KLF5: variants seen among roughly 807,000 people sequenced by gnomAD.
KLF5 encodes Krueppel-like factor 5.
A neutral mutation model predicts 36.9 loss-of-function variants in KLF5; 9 were observed. The ratio of observed to expected loss-of-function variants is 0.24; its 90% CI spans 0.15 to 0.43. The LOEUF is 0.43. Ranked by LOEUF, KLF5 falls within the 20% of genes least tolerant of loss-of-function variation. KLF5 has a pLI of 1.00. For synonymous variants in KLF5, 246 were observed against 241.7 expected, an observed-to-expected ratio of 1.02 and a Z score of -0.17; for missense variants, 524 against 599.5, an observed-to-expected ratio of 0.87 and a Z score of 1.31.
chr13:73,067,750 A>G (rs2044690619), intron 3 of KLF5, among the ~76,000 whole-genome samples: 2 of 152,222 alleles, frequency 1.3e-5, no homozygotes, highest in East Asian at 3.9e-4. Flanking sequence ...GGCTTACTGG[A>G]GATTGACAAT....
At position 73,059,029 on chromosome 13, in the gene KLF5, C is replaced by G. The variant is rs955475198; in HGVS notation, c.-299C>G. The G allele has an allele frequency of 7.2e-6, 2 of 276,464 alleles. No homozygotes were observed. The highest frequency in any genetic ancestry group is 6.0e-5 in the East Asian group (1 of 16,728). The allele number at this position is 276,464 out of a possible 1,614,324, so 17.1% of individuals were successfully genotyped here. On this transcript the variant is annotated 5_prime_UTR_variant, in exon 1 of 4. Coordinates refer to ENST00000377687, the MANE Select transcript of KLF5 (RefSeq NM_001730.5). ...TAGTCGCGGGGCAGGTACGTGCGCT[C>G]GCGGTTCTCTCGCGGAGGTCGGCGG...
intron 3 of KLF5, among the ~76,000 whole-genome samples, chr13:73,070,013 A>G (rs569123839): frequency 6.6e-6 from 1 of 152,320 alleles, no homozygotes; most frequent in South Asian, 2.1e-4. Flanking sequence ...CATCGTTTCT[A>G]GTGAAAGATT....
At chr13:73,065,301 C>CTTA (rs2044671128) in intron 3 of KLF5, among the ~76,000 whole-genome samples, 1 of 152,122 alleles carries the variant, frequency 6.6e-6, no homozygotes, top group Non-Finnish European at 1.5e-5. Flanking sequence ...GAGGTAGAGC[C>CTTA]CTAAGAGGAA....
chr13:73,062,376 C>A lies in KLF5; in HGVS notation c.777C>A (p.Ala259=). ...MDTLNVSMSA[A]MAGLNTHTSA... is the part of the protein sequence containing the mutation. ...CTCTTAATGTTTCTATGTCAGCTGC[C>A]ATGGCAGGCCTTAACACACACACCT... The change falls in exon 2 of 4, where the codon GCC becomes GCA. Residue 259 remains alanine, a synonymous_variant. Coordinates refer to ENST00000377687, the MANE Select transcript of KLF5 (RefSeq NM_001730.5). The A allele has an allele frequency of 2.5e-6, 4 of 1,614,172 alleles. No individual in the cohort carries two copies. In the South Asian group the frequency reaches 4.4e-5, roughly 18 times the overall value.
upstream of KLF5, among the ~76,000 whole-genome samples, chr13:73,058,256 C>A (rs756472807): frequency 1.4e-4 from 21 of 152,194 alleles, no homozygotes; most frequent in Non-Finnish European, 2.6e-4. Context: ...CCCAAGCCCT[C>A]CTCCCCACAC....
intron 3 of KLF5, among the ~76,000 whole-genome samples, chr13:73,069,235 A>G (rs1209124925): frequency 1.3e-5 from 2 of 152,248 alleles, no homozygotes; most frequent in Non-Finnish European, 2.9e-5. Flanking sequence ...GGAAAAGGGT[A>G]AAAGGCTTTT....
Position 73,059,414 on chromosome 13 carries a change from G to C in KLF5, c.87G>C (p.Gln29His). 2.2e-6 allele frequency: 3 copies of C among 1,366,916 alleles called. No individual in the cohort carries two copies. The highest frequency in any genetic ancestry group is 2.8e-6 in the Non-Finnish European group (3 of 1,060,620). 84.7% of individuals were successfully genotyped at this position (1,366,916 alleles called of 1,614,324 possible). Residue 29 changes from glutamine (Q) to histidine (H), a missense_variant, in exon 1 of 4, where the codon CAG becomes CAC. This residue lies in a region of KLF5 where 454 missense variants were observed against 458.1 expected (regional missense o/e 0.99). Transcript: ENST00000377687. ...CGCAGGACGAGCCGGTGTTCGCGCA[G>C]CTCAAGCCGGTGCTGGGCGCCGCGA... ...PAPQDEPVFA[Q>H]LKPVLGAANP...
In KLF5 at chr13:73,062,054, A is replaced by G. The variant is rs1166652583; in HGVS notation, c.455A>G (p.Lys152Arg). ...ACTCACCTGAGAACTGGCCTCTACA[A>G]ATCCCAGAGACCGTGCGTAACACAC... is the stretch of plus-strand genomic sequence containing the variant. Reference protein sequence around the residue: ...DITHLRTGLYKSQRPCVTHIK... With the variant: ...DITHLRTGLYRSQRPCVTHIK... Residue 152 changes from lysine to arginine, a missense_variant, in exon 2 of 4, where the codon AAA (lysine) becomes AGA (arginine). By Grantham distance (26) the Lys-to-Arg change is conservative (BLOSUM62 2). Around this residue, in one of 4 missense-constraint regions of KLF5, gnomAD observed 454 missense variants for 458.1 expected, o/e 0.99. Coordinates refer to ENST00000377687, the MANE Select transcript of KLF5 (RefSeq NM_001730.5). 2 of 1,614,014 alleles carry G rather than the reference A, an allele frequency of 1.2e-6. No homozygotes were observed. Among genetic ancestry groups the G allele is most frequent in the Non-Finnish European group, 1.7e-6 (2 of 1,180,038 alleles).
intron 1 of KLF5, among the ~76,000 whole-genome samples, chr13:73,060,291 GTTTC>G (rs1209496175): frequency 1.3e-5 from 2 of 151,908 alleles, no homozygotes; most frequent in Non-Finnish European, 2.9e-5. Context: ...GCAACCGCCT[GTTTC>G]TTTCGCCCAC....
intron 3 of KLF5, among the ~76,000 whole-genome samples, chr13:73,070,705 T>C (rs1414412844): frequency 6.6e-6 from 1 of 152,156 alleles, no homozygotes. Flanking sequence ...TGCTAGGGGC[T>C]CTAGTATGTC....
chr13:73,075,695 T>C lies in KLF5; in HGVS notation c.1196-13T>C, dbSNP rs2044755549. 6.4e-7 allele frequency: 1 copy of C among 1,574,462 alleles called. No individual in the cohort carries two copies. The highest frequency in any genetic ancestry group is 2.3e-5 in the East Asian group (1 of 44,038). The stretch of plus-strand genomic sequence containing the variant: ...CAAGCAGGCCGCTTTACCTCCTTTG[T>C]TCGTTGTCACAGGTGAAAAGCCATA... On this transcript the variant is annotated splice_polypyrimidine_tract_variant and intron_variant, in intron 3 of 3. Coordinates refer to ENST00000377687, the MANE Select transcript of KLF5 (RefSeq NM_001730.5).
In KLF5 at chr13:73,076,927, A is replaced by G. The variant is rs1445470561; in HGVS notation, c.*1041A>G. 1 of 152,348 alleles carries G rather than the reference A, an allele frequency of 6.6e-6. No homozygotes were observed. The highest frequency in any genetic ancestry group is 1.9e-4 in the East Asian group (1 of 5,198). The allele number at this position is 152,348 out of a possible 1,614,324, so 9.4% of individuals were successfully genotyped here. A position where few individuals can be genotyped will look rare whatever the true frequency, so the allele number is the denominator to read the frequency against. ...AAATGACAATTTATGTGGATTTTGC[A>G]TGTAATACACAGTGAGACACAGTAA... On this transcript the variant is annotated 3_prime_UTR_variant, in exon 4 of 4. Coordinates refer to ENST00000377687, the MANE Select transcript of KLF5 (RefSeq NM_001730.5).
At chr13:73,070,136 TAC>T (rs2044712324) in intron 3 of KLF5, among the ~76,000 whole-genome samples, 1 of 152,224 alleles carries the variant, frequency 6.6e-6, no homozygotes, top group Non-Finnish European at 1.5e-5. Context: ...AAGGATAAGT[TAC>T]AGTTTTAGAA....
In KLF5 at chr13:73,062,482, C is replaced by A; in HGVS notation, c.883C>A (p.Gln295Lys). ...CACAATGCCAAGTCAGTTTCTTCCA[C>A]AACAGGCCACTTACTTTCCCCCGTC... ...TYTMPSQFLPQQATYFPPSPP... is the reference protein window; with the variant it reads ...TYTMPSQFLPKQATYFPPSPP... The change falls in exon 2 of 4, where the codon CAA becomes AAA. Residue 295 changes from glutamine to lysine, a missense_variant. Gln to Lys is a moderately conservative substitution (Grantham distance 53). Coordinates refer to ENST00000377687, the MANE Select transcript of KLF5 (RefSeq NM_001730.5). 1.2e-6 allele frequency: 2 copies of A among 1,614,198 alleles called. No individual in the cohort carries two copies. Among genetic ancestry groups the A allele is most frequent in the Non-Finnish European group, 1.7e-6 (2 of 1,180,044 alleles).
At chr13:73,058,501 G>T (rs2044597953), upstream of KLF5, among the ~76,000 whole-genome samples, 1 of 152,192 alleles carries the variant, frequency 6.6e-6, no homozygotes, top group South Asian at 2.1e-4. Flanking sequence ...CTAAAGAGAA[G>T]TACATTTTGG....
chr13:73,077,146 G>T lies in KLF5; in HGVS notation c.*1260G>T, dbSNP rs2044769574. The T allele has an allele frequency of 6.6e-6, 1 of 152,506 alleles. No individual in the cohort carries two copies. Among genetic ancestry groups the T allele is most frequent in the South Asian group, 2.1e-4 (1 of 4,816 alleles). The allele number at this position is 152,506 out of a possible 1,614,324, so 9.4% of individuals were successfully genotyped here. A position where few individuals can be genotyped will look rare whatever the true frequency, so the allele number is the denominator to read the frequency against. ...CAAAATGCCAAAAGGGGTCTTAATT[G>T]AAATGAAAATTTAATTTTGTTTTTA... On this transcript the variant is annotated 3_prime_UTR_variant, in exon 4 of 4. Transcript: ENST00000377687.
intron 3 of KLF5, among the ~76,000 whole-genome samples, chr13:73,074,040 G>GC (rs2044741408): frequency 6.6e-6 from 1 of 152,144 alleles, no homozygotes; most frequent in African/African-American, 2.4e-5. Flanking sequence ...TGGGTCAGAG[G>GC]CAGAGGAGAG....
chr13:73,059,379 C>T lies in KLF5; in HGVS notation c.52C>T (p.Pro18Ser). ...CGCCCGCCTGGGACCCGTGCCCCAG[C>T]CGCCGGCGCCGCAGGACGAGCCGGT... ...MSARLGPVPQPPAPQDEPVFA... is the reference protein window; with the variant it reads ...MSARLGPVPQSPAPQDEPVFA... The change falls in exon 1 of 4, where the codon CCG becomes TCG. Residue 18 changes from proline (P) to serine (S), a missense_variant. Pro to Ser is a moderately conservative substitution (Grantham distance 74). Transcript: ENST00000377687. 1 of 1,410,458 alleles carries T rather than the reference C, an allele frequency of 7.1e-7. No individual in the cohort carries two copies. The highest frequency in any genetic ancestry group is 9.2e-7 in the Non-Finnish European group (1 of 1,083,128). 87.4% of individuals were successfully genotyped at this position (1,410,458 alleles called of 1,614,324 possible).
intron 3 of KLF5, among the ~76,000 whole-genome samples, chr13:73,075,302 A>G (rs1476898091): frequency 6.6e-6 from 1 of 152,182 alleles, no homozygotes; most frequent in East Asian, 1.9e-4. Context: ...TAGTCCTATA[A>G]TAATTTAATT....
Sources: gnomAD v4.1 joint callset for allele counts (sites outside exome capture counted in the v4.1 genomes callset) on GRCh38, gnomAD v4.1.1 for gene constraint, gnomAD v4.1.1 regional missense constraint, MANE v1.5 for transcripts, NCBI Gene and HGNC (gene_info 2026-07-23, HGNC 2026-07-21) for gene names.